MAGI3: variants seen among roughly 807,000 people sequenced by gnomAD.
MAGI3 encodes the protein membrane associated guanylate kinase, WW and PDZ domain containing 3.
A neutral mutation model predicts 121.8 loss-of-function variants in MAGI3; 43 were observed. The observed-to-expected ratio is 0.35, with a 90% CI of 0.28 to 0.46. The LOEUF (loss-of-function observed/expected upper bound fraction) is 0.46. Ranked by LOEUF, MAGI3 falls within the 20% of genes least tolerant of loss-of-function variation. The pLI is 1.00. For synonymous variants in MAGI3, 553 were observed against 639.3 expected (o/e 0.86, Z 2.04); for missense variants, 1,547 against 1,797.3 (o/e 0.86, Z 2.52).
At chr1:113,544,186 A>G (rs1293004358) in intron 1 of MAGI3, among the ~76,000 whole-genome samples, 2 of 152,216 alleles carry the variant, frequency 1.3e-5, no homozygotes, top group Non-Finnish European at 2.9e-5. Flanking sequence ...CCAGTCTGGC[A>G]TTAGGCTAAT....
chr1:113,584,496 G>C (rs990739439), intron 3 of MAGI3, among the ~76,000 whole-genome samples: 16 of 151,978 alleles, frequency 1.1e-4, no homozygotes, highest in African/African-American at 3.9e-4. Context: ...TCAATAAATT[G>C]TCAGATAAAA....
intron 9 of MAGI3, among the ~76,000 whole-genome samples, chr1:113,641,640 T>G (rs764676186): frequency 3.3e-5 from 5 of 151,874 alleles, no homozygotes; most frequent in Non-Finnish European, 7.4e-5. Flanking sequence ...TAATATAAAT[T>G]ATCAGGGTTT....
chr1:113,609,789 A>G (rs920362224), intron 6 of MAGI3, among the ~76,000 whole-genome samples: 1 of 152,184 alleles, frequency 6.6e-6, no homozygotes, highest in South Asian at 2.1e-4. Flanking sequence ...GATATGCCCA[A>G]AATAGTTTTG....
At position 113,580,601 on chromosome 1, in the gene MAGI3, G is replaced by A. The variant is rs758803760; in HGVS notation, c.493G>A (p.Val165Ile). The A allele has an allele frequency of 4.3e-6, 7 of 1,611,620 alleles. No individual in the cohort carries two copies. The highest frequency in any genetic ancestry group is 2.2e-5 in the South Asian group (2 of 90,944). Residue 165 changes from valine to isoleucine, a missense_variant, in exon 3 of 21, where the codon GTT becomes ATT. By Grantham distance (29) the Val-to-Ile change is conservative (BLOSUM62 3). Coordinates refer to ENST00000307546, the MANE Select transcript of MAGI3 (RefSeq NM_001142782.2). ...VPGVDYNFIS[V>I]EQFKALEESG... ...AGGAGTGGATTATAATTTCATTTCC[G>A]TTGAACAGTTCAAAGCACTGGAAGA...
intron 1 of MAGI3, among the ~76,000 whole-genome samples, chr1:113,490,534 C>T (rs1331510143): frequency 6.6e-6 from 1 of 152,172 alleles, no homozygotes; most frequent in Admixed American, 6.5e-5. Context: ...CTAATACTAA[C>T]CTTGAATGTA....
intron 1 of MAGI3, among the ~76,000 whole-genome samples, chr1:113,401,102 T>A (rs1651374994): frequency 6.6e-6 from 1 of 152,160 alleles, no homozygotes; most frequent in Non-Finnish European, 1.5e-5. Flanking sequence ...TCAGATATTA[T>A]CATCTTCCTT....
intron 1 of MAGI3, among the ~76,000 whole-genome samples, chr1:113,403,148 G>C (rs1651493323): frequency 6.6e-6 from 1 of 152,152 alleles, no homozygotes; most frequent in Non-Finnish European, 1.5e-5. Context: ...CTCTGAGAAT[G>C]ATTTCCAGGA....
intron 1 of MAGI3, among the ~76,000 whole-genome samples, chr1:113,407,949 A>G (rs1246285981): frequency 6.6e-6 from 1 of 152,174 alleles, no homozygotes; most frequent in Non-Finnish European, 1.5e-5. Context: ...CTTGTTGGAA[A>G]GTACCTTCTA....
intron 1 of MAGI3, among the ~76,000 whole-genome samples, chr1:113,466,801 T>TA (rs1332788045): frequency 6.6e-6 from 1 of 152,106 alleles, no homozygotes; most frequent in African/African-American, 2.4e-5. Flanking sequence ...TCTGAGTTGT[T>TA]ACATCTTTTC....
intron 3 of MAGI3, among the ~76,000 whole-genome samples, chr1:113,584,313 C>T (rs1053450440): frequency 4.6e-5 from 7 of 152,088 alleles, no homozygotes; most frequent in Admixed American, 3.3e-4. Flanking sequence ...TATTATTTGG[C>T]GGCCTAGTGG....
At chr1:113,672,487 G>A in intron 17 of MAGI3, 128 bp from the exon 18 acceptor site, 1 of 950,020 alleles carries the variant, frequency 1.1e-6, no homozygotes, top group South Asian at 1.8e-5. Flanking sequence ...GATATAGTCT[G>A]TCTTCATAGT....
intron 1 of MAGI3, among the ~76,000 whole-genome samples, chr1:113,535,670 G>GCAA (rs1360780391): frequency 6.6e-6 from 1 of 152,102 alleles, no homozygotes; most frequent in African/African-American, 2.4e-5. Context: ...GAAACGTTGT[G>GCAA]CAACTGTATG....
intron 9 of MAGI3, among the ~76,000 whole-genome samples, chr1:113,631,768 A>G (rs969697962): frequency 2.0e-5 from 3 of 152,182 alleles, no homozygotes; most frequent in African/African-American, 7.2e-5. Flanking sequence ...TTGAACTCCT[A>G]TGTTAAGAAT....
chr1:113,440,159 A>G (rs1653840525), intron 1 of MAGI3, among the ~76,000 whole-genome samples: 1 of 152,174 alleles, frequency 6.6e-6, no homozygotes, highest in Admixed American at 6.5e-5. Flanking sequence ...GAAATAATGT[A>G]TTAGAGGGTT....
At chr1:113,497,135 T>C (rs964548315) in intron 1 of MAGI3, among the ~76,000 whole-genome samples, 1 of 152,146 alleles carries the variant, frequency 6.6e-6, no homozygotes, top group African/African-American at 2.4e-5. Context: ...CGCATGCCTG[T>C]AAGTCCCAGC....
chr1:113,608,815 C>T (rs1442328696), intron 6 of MAGI3, among the ~76,000 whole-genome samples: 2 of 152,196 alleles, frequency 1.3e-5, no homozygotes, highest in African/African-American at 4.8e-5. Flanking sequence ...ATGCTCTTTA[C>T]ATTAAGGCTG....
chr1:113,632,661 G>C (rs925363086), intron 9 of MAGI3, among the ~76,000 whole-genome samples: 1 of 152,164 alleles, frequency 6.6e-6, no homozygotes, highest in Non-Finnish European at 1.5e-5. Context: ...TTATTAAGCT[G>C]CCTTGTCAGT....
intron 9 of MAGI3, among the ~76,000 whole-genome samples, chr1:113,638,891 T>G (rs1382053763): frequency 6.6e-6 from 1 of 152,224 alleles, no homozygotes; most frequent in African/African-American, 2.4e-5. Flanking sequence ...TCCACCCAGT[T>G]CGAGCTTCCC....
intron 1 of MAGI3, among the ~76,000 whole-genome samples, chr1:113,489,118 A>T (rs1656547086): frequency 6.6e-6 from 1 of 152,106 alleles, no homozygotes; most frequent in Admixed American, 6.5e-5. Context: ...AAATGCTTTC[A>T]TTCACACCAC....
Sources: gnomAD v4.1 joint callset for allele counts (sites outside exome capture counted in the v4.1 genomes callset) on GRCh38, gnomAD v4.1.1 for gene constraint, MANE v1.5 for transcripts, NCBI Gene and HGNC (gene_info 2026-07-23, HGNC 2026-07-21) for gene names.